The following SNX18 variants were observed in gnomAD, a reference collection of about 807,000 sequenced individuals.
SNX18 encodes sorting nexin 18, also known as sorting nexin-18.
SNX18 carries 35 observed loss-of-function variants against 48.7 expected under a neutral mutation model. The observed-to-expected ratio is 0.72, with a 90% CI of 0.55 to 0.95. The LOEUF (loss-of-function observed/expected upper bound fraction) is 0.95, where lower values mean the gene tolerates loss of function less well. SNX18 is among the 40% of genes least tolerant of loss of function. The pLI, the probability that SNX18 is intolerant of heterozygous loss-of-function variation, is 0.00. For missense variants in SNX18, 824 were observed against 871.0 expected (o/e 0.95, Z 0.68); for synonymous variants, 492 against 384.7 (o/e 1.28, Z -3.26).
intron 1 of SNX18, among the ~76,000 whole-genome samples, chr5:54,530,313 G>T (rs1762229192): frequency 6.6e-6 from 1 of 152,164 alleles, no homozygotes; most frequent in African/African-American, 2.4e-5. Context: ...ATTGAACACA[G>T]CGCAGTTTTT....
At chr5:54,551,568 A>G (rs1762656415), downstream of SNX18, among the ~76,000 whole-genome samples, 1 of 152,204 alleles carries the variant, frequency 6.6e-6, no homozygotes. Flanking sequence ...CGTTACGTTC[A>G]TTCTTTGATC....
At chr5:54,568,385 A>C in the SNX18 span, among the ~76,000 whole-genome samples, 1 of 152,206 alleles carries the variant, frequency 6.6e-6, no homozygotes, top group Non-Finnish European at 1.5e-5. Context: ...TTGCCAAGCT[A>C]TAGGGATGCA....
At chr5:54,618,935 T>G in the SNX18 span, among the ~76,000 whole-genome samples, 3 of 149,984 alleles carry the variant, frequency 2.0e-5, no homozygotes, top group African/African-American at 7.3e-5. Flanking sequence ...GAGTTTAATA[T>G]CTGAAAAGTA....
downstream of SNX18, among the ~76,000 whole-genome samples, chr5:54,550,243 C>A (rs1762630010): frequency 2.0e-5 from 3 of 152,124 alleles, no homozygotes; most frequent in Admixed American, 2.0e-4. Context: ...CTGTATGAAA[C>A]AAAGGACCTA....
At chr5:54,587,573 TG>T in the SNX18 span, among the ~76,000 whole-genome samples, 1 of 152,210 alleles carries the variant, frequency 6.6e-6, no homozygotes, top group Non-Finnish European at 1.5e-5. Flanking sequence ...CCCAATTACT[TG>T]CACCTGCACA....
chr5:54,584,380 T>A, the SNX18 span, among the ~76,000 whole-genome samples: 1 of 152,088 alleles, frequency 6.6e-6, no homozygotes, highest in Admixed American at 6.5e-5. Flanking sequence ...GAACTTCCCA[T>A]GGCTGCTTGG....
intron 1 of SNX18, among the ~76,000 whole-genome samples, chr5:54,527,978 T>C (rs72765725): frequency 0.054 from 8,246 of 152,220 alleles, 317 homozygotes; most frequent in Middle Eastern, 0.1. Flanking sequence ...GATTTAAAAG[T>C]CTTAGAGTTT....
the SNX18 span, among the ~76,000 whole-genome samples, chr5:54,577,637 T>G: frequency 6.6e-6 from 1 of 152,052 alleles, no homozygotes. Flanking sequence ...AGATGAACAA[T>G]GTAACTCAGG....
chr5:54,523,508 G>A (rs1171847198), intron 1 of SNX18, among the ~76,000 whole-genome samples: 1 of 152,174 alleles, frequency 6.6e-6, no homozygotes, highest in African/African-American at 2.4e-5. Flanking sequence ...TCCTTTAAGT[G>A]AAATGTCTTT....
intron 1 of SNX18, among the ~76,000 whole-genome samples, chr5:54,528,840 G>A (rs1454646738): frequency 2.0e-5 from 3 of 152,170 alleles, no homozygotes; most frequent in East Asian, 1.9e-4. Context: ...AGTCTGGGCC[G>A]AACCATATGG....
At chr5:54,608,225 G>T in the SNX18 span, among the ~76,000 whole-genome samples, 3 of 152,076 alleles carry the variant, frequency 2.0e-5, no homozygotes, top group African/African-American at 4.8e-5. Context: ...ATAGGTGTGT[G>T]GTCATATTAT....
At chr5:54,632,000 T>A in the SNX18 span, among the ~76,000 whole-genome samples, 1 of 152,176 alleles carries the variant, frequency 6.6e-6, no homozygotes, top group Admixed American at 6.5e-5. Context: ...GCACCTCTTC[T>A]ACTGGGGAAC....
At chr5:54,530,953 A>G (rs1395602207) in intron 1 of SNX18, among the ~76,000 whole-genome samples, 3 of 151,556 alleles carry the variant, frequency 2.0e-5, no homozygotes, top group South Asian at 2.1e-4. Context: ...AGGTTTCATC[A>G]TGTTGGCCAG....
chr5:54,626,810 G>A, the SNX18 span, among the ~76,000 whole-genome samples: 1 of 152,188 alleles, frequency 6.6e-6, no homozygotes, highest in African/African-American at 2.4e-5. Flanking sequence ...AATTATCTGT[G>A]GGTAAGATAG....
the SNX18 span, among the ~76,000 whole-genome samples, chr5:54,626,367 G>C: frequency 1.6e-4 from 25 of 151,806 alleles, no homozygotes; most frequent in Admixed American, 1.6e-3. Context: ...ATGTTGCCTA[G>C]GCCGGTCTCA....
the SNX18 span, among the ~76,000 whole-genome samples, chr5:54,623,964 G>C: frequency 6.6e-6 from 1 of 152,136 alleles, no homozygotes; most frequent in African/African-American, 2.4e-5. Flanking sequence ...CCTCAGTTAC[G>C]AGTAAGCATA....
intron 1 of SNX18, among the ~76,000 whole-genome samples, chr5:54,528,046 T>C (rs903405533): frequency 3.9e-5 from 6 of 152,066 alleles, no homozygotes; most frequent in African/African-American, 1.4e-4. Flanking sequence ...AGTTTGAAAA[T>C]GCTTAAAGTG....
rs761682032 is a variant in SNX18, at chr5:54,518,540, C to G, written c.588C>G (p.Ser196=). Residue 196 remains serine, a synonymous_variant, in exon 1 of 2, where the codon TCC becomes TCG. Transcript: ENST00000381410. ...GCGCAGCCGGCCGCTACCGCCTGTC[C>G]ACGCGCTCCGACCTGTCCCTGGGTT... ...GVGAAGRYRL[S]TRSDLSLGSR... 1.3e-6 allele frequency: 2 copies of G among 1,582,492 alleles called. No individual in the cohort carries two copies. Among genetic ancestry groups the G allele is most frequent in the Non-Finnish European group, 1.7e-6 (2 of 1,165,564 alleles).
the SNX18 span, among the ~76,000 whole-genome samples, chr5:54,608,336 T>G: frequency 6.6e-6 from 1 of 152,224 alleles, no homozygotes; most frequent in Non-Finnish European, 1.5e-5. Flanking sequence ...TCTCTTCATG[T>G]CTTTTGCCCA....
Sources: gnomAD v4.1 joint callset for allele counts (sites outside exome capture counted in the v4.1 genomes callset) on GRCh38, gnomAD v4.1.1 for gene constraint, MANE v1.5 for transcripts, NCBI Gene and HGNC (gene_info 2026-07-23, HGNC 2026-07-21) for gene names.